SEC14L1: variants seen among roughly 807,000 people sequenced by gnomAD.
SEC14L1 encodes the protein SEC14-like protein 1.
In SEC14L1, 48 loss-of-function variants were observed where a neutral mutation model predicts 85.3. The ratio of observed to expected loss-of-function variants is 0.56; its 90% CI spans 0.45 to 0.72. The LOEUF is 0.72. Ranked by LOEUF, SEC14L1 falls within the 30% of genes least tolerant of loss-of-function variation. SEC14L1 has a pLI of 0.00. For missense variants in SEC14L1, 682 were observed against 921.4 expected, an observed-to-expected ratio of 0.74 and a Z score of 3.36; for synonymous variants, 391 against 355.5, an observed-to-expected ratio of 1.10 and a Z score of -1.12.
rs1460093367 is a variant in SEC14L1, at chr17:77,214,549, T to A, written c.*526T>A. 1 of 991,178 alleles carries A rather than the reference T, an allele frequency of 1.0e-6. No homozygotes were observed. The highest frequency in any genetic ancestry group is 1.7e-5 in the African/African-American group (1 of 57,278). The allele number at this position is 991,178 out of a possible 1,614,324, so 61.4% of individuals were successfully genotyped here. On this transcript the variant is annotated 3_prime_UTR_variant, in exon 17 of 17. Transcript: ENST00000436233. ...TTAGGGCCAGCCCTTGAGGTCCTTA[T>A]CCTCTGAGGATTCAGAGGTTGCCTG...
At position 77,206,252 on chromosome 17, in the gene SEC14L1, T is replaced by G. The variant is rs1201546704; in HGVS notation, c.1193T>G (p.Leu398Trp). The G allele has an allele frequency of 3.7e-6, 6 of 1,614,108 alleles. No individual in the cohort carries two copies. Among genetic ancestry groups the G allele is most frequent in the Non-Finnish European group, 5.1e-6 (6 of 1,179,982 alleles). ...PISSWTCLVDLEGLNMRHLWR... is the reference protein window; with the variant it reads ...PISSWTCLVDWEGLNMRHLWR... ...AGCTCATGGACCTGCCTGGTGGACT[T>G]GGAAGGGCTGAACATGCGCCACTTG... The change falls in exon 12 of 17, where the codon TTG becomes TGG. Residue 398 changes from leucine to tryptophan, a missense_variant. Leu to Trp is a moderately conservative substitution (Grantham distance 61). Around this residue, in one of 3 missense-constraint regions of SEC14L1, gnomAD observed 420 missense variants for 619.5 expected, o/e 0.68. Transcript: ENST00000436233. The surrounding 1 kb of genome is among the most constrained non-coding windows in gnomAD (Gnocchi z 4.3).
In SEC14L1 at chr17:77,123,538, C is replaced by T. The variant is rs141183910; in HGVS notation, c.-135-19108C>T. The stretch of plus-strand genomic sequence containing the variant: ...GCGATTCTCCCACCTCAGCCTCCTA[C>T]GTAGCTGGGACCACAGGCACACATC... On this transcript the variant is annotated intron_variant, in intron 3 of 19. Transcript: ENST00000392476. Among the ~76,000 whole-genome samples, 64 of 151,340 alleles carry T rather than the reference C, an allele frequency of 4.2e-4. No homozygotes were observed. The East Asian group carries it at 7.6e-3, about 18-fold the overall frequency.
In SEC14L1 at chr17:77,209,492, T is replaced by A; in HGVS notation, c.1611+16T>A. The A allele has an allele frequency of 6.2e-7, 1 of 1,612,282 alleles. No homozygotes were observed. Reference sequence around the variant, plus strand: ...CCCACATGAGGTACGTCCTCCGCCTTCCTGCACCTGGGCCGGCCCTTCCTC... The same window carrying A: ...CCCACATGAGGTACGTCCTCCGCCTACCTGCACCTGGGCCGGCCCTTCCTC... On this transcript the variant is annotated intron_variant, in intron 14 of 16. Transcript: ENST00000436233.
At chr17:77,136,356 TTTTTTC>T (rs1388759210), upstream of SEC14L1, among the ~76,000 whole-genome samples, 5 of 60,992 alleles carry the variant, frequency 8.2e-5, no homozygotes, top group East Asian at 8.9e-4. Flanking sequence ...TTTCTCTTTC[TTTTTTC>T]TTTCTTTCTC....
chr17:77,189,502 T>C (rs1040689929), intron 3 of SEC14L1, among the ~76,000 whole-genome samples: 6 of 152,222 alleles, frequency 3.9e-5, no homozygotes, highest in Non-Finnish European at 8.8e-5. Context: ...TTCTCCTGGC[T>C]CACTGTATTT....
At chr17:77,162,179 C>CTG (rs1974095575) in intron 3 of SEC14L1, among the ~76,000 whole-genome samples, 1 of 151,884 alleles carries the variant, frequency 6.6e-6, no homozygotes, top group African/African-American at 2.4e-5. Context: ...GGGACCGGCT[C>CTG]TCTGAGGCCA....
chr17:77,206,818 A>G lies in SEC14L1; in HGVS notation c.1432A>G (p.Ile478Val). The G allele has an allele frequency of 6.8e-6, 11 of 1,611,728 alleles. No individual in the cohort carries two copies. The highest frequency in any genetic ancestry group is 2.2e-5 in the East Asian group (1 of 44,858). The change falls in exon 13 of 17, where the codon ATC becomes GTC. Residue 478 changes from isoleucine (I) to valine (V), a missense_variant. Coordinates refer to ENST00000436233, the MANE Select transcript of SEC14L1 (RefSeq NM_001143998.2). This position sits in a 1 kb window ranked among gnomAD's most constrained non-coding sequence, Gnocchi z 4.3. ...YQGPGGLLDYIDKEIIPDFLS... is the reference protein window; with the variant it reads ...YQGPGGLLDYVDKEIIPDFLS... ...GGGTCCTGGAGGCCTGCTGGATTAC[A>G]TCGACAAAGAGATTATTCCAGATTT...
At chr17:77,128,647 T>C (rs896165464) in intron 3 of SEC14L1, among the ~76,000 whole-genome samples, 12 of 151,618 alleles carry the variant, frequency 7.9e-5, no homozygotes, top group African/African-American at 2.9e-4. Flanking sequence ...TTAGTAGAGA[T>C]GGGGTTTCAT....
chr17:77,107,226 A>AGGCTCCG (rs1293056456), intron 3 of SEC14L1, among the ~76,000 whole-genome samples: 31 of 152,156 alleles, frequency 2.0e-4, no homozygotes, highest in Non-Finnish European at 3.4e-4. Context: ...AGCCCACGCC[A>AGGCTCCG]GGCTCCGGGC....
At chr17:77,109,508 C>G (rs1292838078) in intron 3 of SEC14L1, among the ~76,000 whole-genome samples, 3 of 152,198 alleles carry the variant, frequency 2.0e-5, no homozygotes, top group African/African-American at 7.2e-5. Flanking sequence ...TTTCTCTCGC[C>G]TGATTTCTTG....
At chr17:77,089,521 TAGTATC>T (rs777063267) in intron 2 of SEC14L1, 2 of 504,812 alleles carry the variant, frequency 4.0e-6, no homozygotes, top group African/African-American at 1.9e-5. Flanking sequence ...TGGTTGTAGT[TAGTATC>T]AGAGAGCCCT....
intron 3 of SEC14L1, among the ~76,000 whole-genome samples, chr17:77,151,139 C>A (rs1341382992): frequency 2.6e-5 from 4 of 152,160 alleles, no homozygotes; most frequent in Non-Finnish European, 4.4e-5. Context: ...AATAAGCAAT[C>A]TACTTTTTGG....
At chr17:77,210,831 G>A (rs1298913897) in intron 14 of SEC14L1, 1 of 152,128 alleles carries the variant, frequency 6.6e-6, no homozygotes, top group Non-Finnish European at 1.5e-5. Context: ...GTGAATCGGG[G>A]GCATCTGTAG....
chr17:77,117,405 G>T (rs1972198137), intron 3 of SEC14L1, among the ~76,000 whole-genome samples: 1 of 152,132 alleles, frequency 6.6e-6, no homozygotes, highest in South Asian at 2.1e-4. Context: ...CTACACAGAG[G>T]CACCGTTGGG....
chr17:77,126,565 A>G (rs575743779), intron 3 of SEC14L1, among the ~76,000 whole-genome samples: 1 of 152,294 alleles, frequency 6.6e-6, no homozygotes, highest in African/African-American at 2.4e-5. Context: ...GGTTCCTTGC[A>G]TGCTCCTGGA....
chr17:77,130,276 G>A (rs1242105337), intron 3 of SEC14L1: 7 of 151,978 alleles, frequency 4.6e-5, no homozygotes. Flanking sequence ...CAGTCCATGT[G>A]GTGGGGGGAT....
intron 5 of SEC14L1, among the ~76,000 whole-genome samples, chr17:77,192,701 C>CCA (rs1975606283): frequency 6.6e-6 from 1 of 151,714 alleles, no homozygotes; most frequent in Non-Finnish European, 1.5e-5. Context: ...CTTGCCCTGT[C>CCA]GCTCAGGCTG....
intron 3 of SEC14L1, among the ~76,000 whole-genome samples, chr17:77,108,666 G>A (rs554003015): frequency 6.6e-6 from 1 of 151,702 alleles, no homozygotes; most frequent in Non-Finnish European, 1.5e-5. Flanking sequence ...TTGAACCTGG[G>A]AGGCGGAAGT....
chr17:77,141,800 G>A (rs34047282), intron 1 of SEC14L1: 14,845 of 152,196 alleles, frequency 0.098, 983 homozygotes, highest in Middle Eastern at 0.15. Flanking sequence ...ACGCTTTTTT[G>A]CTTCTTCCCC....
Sources: allele counts gnomAD v4.1 joint callset (sites outside exome capture counted in the v4.1 genomes callset), GRCh38; gene constraint gnomAD v4.1.1; regional missense constraint gnomAD v4.1.1; non-coding constraint Gnocchi (gnomAD v3.1); transcripts MANE v1.5; gene names NCBI Gene and HGNC (gene_info 2026-07-23, HGNC 2026-07-21).